The following GPHN variants were observed in gnomAD, a reference collection of about 807,000 sequenced individuals.
The protein encoded by GPHN is gephyrin.
In GPHN, 17 loss-of-function variants were observed where a neutral mutation model predicts 95.5. That is an observed-to-expected ratio of 0.18 (90% CI 0.12 to 0.27). GPHN has a LOEUF of 0.27. Among genes scored for constraint, GPHN ranks in the 10% least tolerant of loss-of-function variants. GPHN has a pLI of 1.00. For synonymous variants in GPHN, 320 were observed against 322.5 expected (o/e 0.99, Z 0.08); for missense variants, 660 against 978.1 (o/e 0.67, Z 4.34).
At chr14:67,168,477 A>G (rs572348674) in intron 20 of GPHN, among the ~76,000 whole-genome samples, 1 of 152,350 alleles carries the variant, frequency 6.6e-6, no homozygotes, top group Non-Finnish European at 1.5e-5. Context: ...ATATCCAGGT[A>G]GAGAAGATTA....
At chr14:67,704,570 T>G in the GPHN span, among the ~76,000 whole-genome samples, 1 of 152,178 alleles carries the variant, frequency 6.6e-6, no homozygotes, top group African/African-American at 2.4e-5. Flanking sequence ...ATGGTAAGTA[T>G]TATACCTAAA....
chr14:67,256,950 G>C, the GPHN span, among the ~76,000 whole-genome samples: 1 of 152,148 alleles, frequency 6.6e-6, no homozygotes, highest in East Asian at 1.9e-4. Flanking sequence ...CAAGGCTAAG[G>C]ACGCGGCTGT....
the GPHN span, among the ~76,000 whole-genome samples, chr14:67,530,734 C>T: frequency 0.096 from 14,546 of 152,210 alleles, 777 homozygotes; most frequent in East Asian, 0.13. Context: ...ATTATTTGCC[C>T]TTGCATGAAT....
rs773800222 is a variant in GPHN, at chr14:66,924,146, C to A, written c.730-48C>A. ...TTTAGTCATTTTGCTTGTATAGTTT[C>A]ATGTTTTCCTGTCACTATATTCATA... On this transcript the variant is annotated intron_variant, in intron 7 of 22. Coordinates refer to ENST00000478722, the MANE Select transcript of GPHN (RefSeq NM_020806.5). 3 of 1,022,742 alleles carry A rather than the reference C, an allele frequency of 2.9e-6. No individual in the cohort carries two copies. The South Asian group carries it at 3.8e-5, about 13-fold the overall frequency. The allele number at this position is 1,022,742 out of a possible 1,614,324, so 63.4% of individuals were successfully genotyped here. A position where few individuals can be genotyped will look rare whatever the true frequency, so the allele number is the denominator to read the frequency against.
At chr14:67,031,818 C>T (rs1344561615) in intron 10 of GPHN, among the ~76,000 whole-genome samples, 2 of 152,076 alleles carry the variant, frequency 1.3e-5, no homozygotes, top group East Asian at 1.9e-4. Flanking sequence ...TTATTTTTCT[C>T]GGTTATCACC....
intron 5 of GPHN, among the ~76,000 whole-genome samples, chr14:66,908,986 C>T (rs555751196): frequency 6.6e-6 from 1 of 152,078 alleles, no homozygotes; most frequent in East Asian, 1.9e-4. Context: ...GAATGGGATC[C>T]TGAAACAGAA....
chr14:67,450,068 A>C, the GPHN span: 1 of 153,566 alleles, frequency 6.5e-6, no homozygotes, highest in Non-Finnish European at 1.4e-5. Flanking sequence ...TGTCTCAAAC[A>C]AACAAACAAA....
chr14:67,233,559 A>G, the GPHN span, among the ~76,000 whole-genome samples: 2 of 152,052 alleles, frequency 1.3e-5, no homozygotes, highest in African/African-American at 4.8e-5. Context: ...AGTTAGCACT[A>G]CCTCCTATAT....
At chr14:66,744,407 G>C (rs2058060156) in intron 2 of GPHN, among the ~76,000 whole-genome samples, 1 of 152,122 alleles carries the variant, frequency 6.6e-6, no homozygotes, top group African/African-American at 2.4e-5. Flanking sequence ...ATTTAAACAA[G>C]GAATTAAGTT....
At chr14:67,350,792 C>T in the GPHN span, 3,880 of 1,109,046 alleles carry the variant, frequency 3.5e-3, 199 homozygotes, top group Admixed American at 0.077. Flanking sequence ...TTTATGCTGG[C>T]TGTGCATGTA....
chr14:67,381,758 GTTTC>G, the GPHN span: 1 of 1,040,046 alleles, frequency 9.6e-7, no homozygotes, highest in Admixed American at 2.6e-5. Context: ...TTTGATCTTT[GTTTC>G]TTTTTTTTTT....
At position 66,955,417 on chromosome 14, in the gene GPHN, G is replaced by A. The variant is rs561057607; in HGVS notation, c.829-9774G>A. Among the ~76,000 whole-genome samples the A allele has an allele frequency of 2.0e-5, 3 of 152,178 alleles. No individual in the cohort carries two copies. In the South Asian group the frequency reaches 6.2e-4, roughly 32 times the overall value. ...GTTGTTCCTAGTATTTAATTATTAT[G>A]AAATAATCATCTGGTAGTCATTTCA... is the stretch of plus-strand genomic sequence containing the variant. On this transcript the variant is annotated intron_variant, in intron 8 of 22. Transcript: ENST00000478722.
the GPHN span, chr14:67,650,920 G>A: frequency 9.3e-6 from 15 of 1,613,608 alleles, no homozygotes; most frequent in South Asian, 2.2e-5. Flanking sequence ...TGAGAATTTA[G>A]GAGACACTGT....
chr14:67,158,700 G>A (rs891766293), intron 18 of GPHN, among the ~76,000 whole-genome samples: 11 of 152,180 alleles, frequency 7.2e-5, no homozygotes, highest in Admixed American at 2.6e-4. Context: ...CTGCAGAGCT[G>A]TGTTATATTT....
At chr14:67,329,835 AAAATAAAT>A in the GPHN span, among the ~76,000 whole-genome samples, 1,078 of 96,932 alleles carry the variant, frequency 0.011, 8 homozygotes, top group East Asian at 0.042. Context: ...CTTGGTCTCA[AAAATAAAT>A]AAATAAATAA....
intron 3 of GPHN, among the ~76,000 whole-genome samples, chr14:66,819,102 G>A (rs1243615209): frequency 6.6e-6 from 1 of 152,076 alleles, no homozygotes; most frequent in Non-Finnish European, 1.5e-5. Context: ...TTAAATCCCA[G>A]TTGTCAATTT....
At chr14:66,560,818 C>G (rs1374862610) in intron 1 of GPHN, among the ~76,000 whole-genome samples, 1 of 152,080 alleles carries the variant, frequency 6.6e-6, no homozygotes, top group Non-Finnish European at 1.5e-5. Context: ...CTATCTTGTG[C>G]CAGTTTTCAA....
chr14:67,494,672 C>A, the GPHN span, among the ~76,000 whole-genome samples: 1 of 152,232 alleles, frequency 6.6e-6, no homozygotes, highest in Non-Finnish European at 1.5e-5. Context: ...CTCCTGTCCA[C>A]AGCCGGTGAT....
intron 4 of GPHN, among the ~76,000 whole-genome samples, chr14:66,863,933 A>G (rs554583857): frequency 1.3e-5 from 2 of 151,942 alleles, no homozygotes; most frequent in South Asian, 4.1e-4. Flanking sequence ...GTAATATCTC[A>G]TAAGCACAAG....
Sources: allele counts gnomAD v4.1 joint callset (sites outside exome capture counted in the v4.1 genomes callset), GRCh38; gene constraint gnomAD v4.1.1; transcripts MANE v1.5; gene names NCBI Gene and HGNC (gene_info 2026-07-23, HGNC 2026-07-21).